Variants in IL1RAPL2 observed in about 807,000 individuals in gnomAD.
IL1RAPL2 encodes the protein X-linked interleukin-1 receptor accessory protein-like 2.
IL1RAPL2 carries 3 observed loss-of-function variants against 44.1 expected under a neutral mutation model. The ratio of observed to expected loss-of-function variants is 0.07; its 90% CI spans 0.03 to 0.18. The LOEUF (loss-of-function observed/expected upper bound fraction) is 0.18. Among genes scored for constraint, IL1RAPL2 ranks in the 10% least tolerant of loss-of-function variants. The pLI, the probability that IL1RAPL2 is intolerant of heterozygous loss-of-function variation, is 1.00. For missense variants in IL1RAPL2, 391 were observed against 496.4 expected, an observed-to-expected ratio of 0.79 and a Z score of 2.02; for synonymous variants, 181 against 178.8, an observed-to-expected ratio of 1.01 and a Z score of -0.10.
At chrX:105,074,079 C>A (rs1217759688) in intron 2 of IL1RAPL2, among the ~76,000 whole-genome samples, 5 of 111,428 alleles carry the variant, frequency 4.5e-5, no homozygotes, top group African/African-American at 1.3e-4. Context: ...GCTTTTGTTG[C>A]CATTGCTTTT....
rs140532775 is a variant in IL1RAPL2 at position 104,824,504 on chromosome X, A to G, written c.82+165509A>G. ...TACCTCTGGTAGAATTGGGCTCTGA[A>G]TTAGTCTGGTCCTGGGCTTTTTTGG... On this transcript the variant is annotated intron_variant, in intron 2 of 10. Coordinates refer to ENST00000372582, the MANE Select transcript of IL1RAPL2 (RefSeq NM_017416.2). Among the ~76,000 whole-genome samples the G allele has an allele frequency of 6.4e-3, 716 of 111,858 alleles. 2 individuals carry two copies. The highest frequency in any genetic ancestry group is 0.018 in the Middle Eastern group (4 of 219).
intron 8 of IL1RAPL2, among the ~76,000 whole-genome samples, chrX:105,743,395 C>G (rs1334263512): frequency 9.0e-6 from 1 of 111,575 alleles, no homozygotes; most frequent in Non-Finnish European, 1.9e-5. Flanking sequence ...GTTCACCAAA[C>G]ACAGTCCTGC....
At chrX:105,563,557 A>G (rs1275670322) in intron 6 of IL1RAPL2, among the ~76,000 whole-genome samples, 1 of 112,004 alleles carries the variant, frequency 8.9e-6, no homozygotes, top group Non-Finnish European at 1.9e-5. Context: ...ATAGAGTCTC[A>G]TTTAATTCTC....
intron 2 of IL1RAPL2, among the ~76,000 whole-genome samples, chrX:105,150,585 G>A (rs2033218214): frequency 8.9e-6 from 1 of 112,080 alleles, no homozygotes; most frequent in African/African-American, 3.2e-5. Flanking sequence ...AGACTGGACT[G>A]ACAGTTCTTA....
chrX:104,761,845 T>TCTTCTC lies in IL1RAPL2; in HGVS notation c.82+102928_82+102933dup, dbSNP rs1307424877. Among the ~76,000 whole-genome samples the TCTTCTC allele has an allele frequency of 4.6e-4, 25 of 53,925 alleles. 2 individuals are homozygous for TCTTCTC. Among genetic ancestry groups the TCTTCTC allele is most frequent in the South Asian group, 1.1e-3 (1 of 886 alleles). The allele number at this position is 53,925 out of a possible 115,157, so 46.8% of individuals were successfully genotyped here. A position where few individuals can be genotyped will look rare whatever the true frequency, so the allele number is the denominator to read the frequency against. On this transcript the variant is annotated intron_variant, in intron 2 of 10. Transcript: ENST00000372582. The stretch of plus-strand genomic sequence containing the variant: ...TCCTTCTCCTTCTTCTCCTTCTCCT[T>TCTTCTC]CTTCTCCTTCTCCTTCTCCTTCTCC...
rs775875061 is a variant in IL1RAPL2, at chrX:105,390,744, C to T, written c.698-93569C>T. Among the ~76,000 whole-genome samples, 4 of 110,497 alleles carry T rather than the reference C, an allele frequency of 3.6e-5. No homozygotes were observed. The South Asian group carries it at 1.5e-3, about 43-fold the overall frequency. On this transcript the variant is annotated intron_variant, in intron 5 of 10. Transcript: ENST00000372582. ...AGCCATATTTCAATCTTTGTAATTC[C>T]GTATGAGAAAAATATCCTCACAGAG...
rs756705261 is a variant in IL1RAPL2, at chrX:105,016,564, G to A, written c.83-178911G>A. ...GTCAAATGCCTTTTCTGCATCTATC[G>A]AGATAATCATATATTTTTTGTCTTT... is the stretch of plus-strand genomic sequence containing the variant. On this transcript the variant is annotated intron_variant, in intron 2 of 10. Transcript: ENST00000372582. Among the ~76,000 whole-genome samples the A allele has an allele frequency of 3.6e-5, 4 of 111,414 alleles. No individual in the cohort carries two copies. In the East Asian group the frequency reaches 8.6e-4, roughly 24 times the overall value.
chrX:105,698,998 A>T (rs1229797064), intron 6 of IL1RAPL2, among the ~76,000 whole-genome samples: 1 of 111,925 alleles, frequency 8.9e-6, no homozygotes, highest in East Asian at 2.8e-4. Context: ...ATGCAATACA[A>T]GTATAAGTTA....
At chrX:104,647,704 G>T in intron 1 of IL1RAPL2, 1 of 547,012 alleles carries the variant, frequency 1.8e-6, no homozygotes, top group South Asian at 2.3e-5. Context: ...GCTGGCTAGC[G>T]ACAGGCCAGG....
intron 5 of IL1RAPL2, among the ~76,000 whole-genome samples, chrX:105,310,307 C>T (rs1209367501): frequency 2.7e-5 from 3 of 110,742 alleles, no homozygotes; most frequent in African/African-American, 6.6e-5. Flanking sequence ...TAGTGCTATC[C>T]TGTCTTTCTT....
chrX:105,115,246 G>T (rs938559643), intron 2 of IL1RAPL2, among the ~76,000 whole-genome samples: 1 of 111,757 alleles, frequency 8.9e-6, no homozygotes, highest in African/African-American at 3.3e-5. Flanking sequence ...CATAAAGGCA[G>T]TGTGGACCCA....
In IL1RAPL2 at chrX:104,606,743, G is replaced by C. The variant is rs375119360; in HGVS notation, c.-20+39692G>C. ...ATACCTAGGAATCCAACTTACAAGGGATGTGAAGGACCTCTTTAAGGAGAA... is the reference window on the plus strand; with the variant it reads ...ATACCTAGGAATCCAACTTACAAGGCATGTGAAGGACCTCTTTAAGGAGAA... On this transcript the variant is annotated intron_variant, in intron 1 of 10. Transcript: ENST00000372582. Among the ~76,000 whole-genome samples, 7 of 111,215 alleles carry C rather than the reference G, an allele frequency of 6.3e-5. No homozygotes were observed. The East Asian group carries it at 1.7e-3, about 27-fold the overall frequency.
At chrX:104,741,772 A>G (rs1322244159) in intron 2 of IL1RAPL2, among the ~76,000 whole-genome samples, 8 of 111,177 alleles carry the variant, frequency 7.2e-5, no homozygotes, top group Non-Finnish European at 1.1e-4. Context: ...TTATTCAGTT[A>G]TGAAAGTAAC....
At chrX:105,149,861 A>C (rs2033211133) in intron 2 of IL1RAPL2, among the ~76,000 whole-genome samples, 1 of 110,084 alleles carries the variant, frequency 9.1e-6, no homozygotes, top group Admixed American at 9.8e-5. Flanking sequence ...TAAATAAATA[A>C]ATAATACAAA....
intron 5 of IL1RAPL2, among the ~76,000 whole-genome samples, chrX:105,273,537 TCCAGAGAGGGTC>T (rs2034463354): frequency 8.9e-6 from 1 of 111,988 alleles, no homozygotes; most frequent in Non-Finnish European, 1.9e-5. Context: ...AGGTCCCCAT[TCCAGAGAGGGTC>T]CTGGAAGGAA....
chrX:105,326,622 G>A (rs1223315313), intron 5 of IL1RAPL2, among the ~76,000 whole-genome samples: 3 of 111,346 alleles, frequency 2.7e-5, no homozygotes, highest in Non-Finnish European at 5.7e-5. Flanking sequence ...TAATCTTTTT[G>A]CATTGTTCTA....
At chrX:104,822,771 C>T (rs1921337618) in intron 2 of IL1RAPL2, among the ~76,000 whole-genome samples, 1 of 111,514 alleles carries the variant, frequency 9.0e-6, no homozygotes, top group African/African-American at 3.3e-5. Context: ...AATTTAAAGT[C>T]GTTTTTTTCA....
chrX:104,713,348 T>C (rs958465544), intron 2 of IL1RAPL2, among the ~76,000 whole-genome samples: 39 of 110,269 alleles, frequency 3.5e-4, no homozygotes, highest in African/African-American at 1.3e-3. Flanking sequence ...ACAAAGCAAT[T>C]TGTGATCAGC....
At chrX:104,612,679 A>G (rs1236824337) in intron 1 of IL1RAPL2, among the ~76,000 whole-genome samples, 1 of 89,902 alleles carries the variant, frequency 1.1e-5, no homozygotes, top group Non-Finnish European at 2.4e-5. Flanking sequence ...TTCCATTTGA[A>G]TTTTTGAATA....
Sources: gnomAD v4.1 joint callset for allele counts (sites outside exome capture counted in the v4.1 genomes callset) on GRCh38, gnomAD v4.1.1 for gene constraint, MANE v1.5 for transcripts, NCBI Gene and HGNC (gene_info 2026-07-23, HGNC 2026-07-21) for gene names.